The following IL1RAPL1 variants were observed in gnomAD, a reference collection of about 807,000 sequenced individuals.
IL1RAPL1 encodes the protein interleukin 1 receptor accessory protein like 1, also known as interleukin-1 receptor accessory protein-like 1.
In IL1RAPL1, 3 loss-of-function variants were observed where a neutral mutation model predicts 48.4. The ratio of observed to expected loss-of-function variants is 0.06; its 90% CI spans 0.03 to 0.16. The LOEUF (loss-of-function observed/expected upper bound fraction) is 0.16, where lower values mean the gene tolerates loss of function less well. Among genes scored for constraint, IL1RAPL1 ranks in the 10% least tolerant of loss-of-function variants. The pLI, the probability that IL1RAPL1 is intolerant of heterozygous loss-of-function variation, is 1.00. For synonymous variants in IL1RAPL1, 185 were observed against 187.7 expected (o/e 0.99, Z 0.12); for missense variants, 349 against 530.6 (o/e 0.66, Z 3.36).
intron 1 of IL1RAPL1, among the ~76,000 whole-genome samples, chrX:28,761,460 G>T (rs762230264): frequency 1.8e-5 from 2 of 111,844 alleles, no homozygotes; most frequent in South Asian, 7.5e-4. Context: ...TGCAGCTAGA[G>T]GCCATCATCC....
chrX:29,936,554 CACACAG>C (rs1933038088), intron 8 of IL1RAPL1, among the ~76,000 whole-genome samples: 1 of 107,925 alleles, frequency 9.3e-6, no homozygotes, highest in Non-Finnish European at 1.9e-5. Context: ...CACACACACA[CACACAG>C]ATCAAATAGA....
At chrX:29,623,640 C>A (rs1385943256) in intron 5 of IL1RAPL1, among the ~76,000 whole-genome samples, 1 of 112,106 alleles carries the variant, frequency 8.9e-6, no homozygotes, top group East Asian at 2.8e-4. Context: ...ATTTCAAACT[C>A]ATTAATATAG....
At chrX:28,765,148 T>C (rs1278026109) in intron 1 of IL1RAPL1, among the ~76,000 whole-genome samples, 2 of 78,168 alleles carry the variant, frequency 2.6e-5, no homozygotes, top group African/African-American at 1.0e-4. Context: ...CACTGGGGCC[T>C]GTTGTGGGGT....
intron 2 of IL1RAPL1, among the ~76,000 whole-genome samples, chrX:28,830,005 T>A (rs1295353471): frequency 8.9e-6 from 1 of 111,801 alleles, no homozygotes; most frequent in African/African-American, 3.3e-5. Context: ...TTGGTCATAA[T>A]ATATGCTTTT....
chrX:28,852,585 A>G (rs909984395), intron 2 of IL1RAPL1, among the ~76,000 whole-genome samples: 7 of 111,691 alleles, frequency 6.3e-5, no homozygotes, highest in Non-Finnish European at 1.1e-4. Context: ...TTTTCTTGGT[A>G]CTGCTTTTTC....
intron 6 of IL1RAPL1, among the ~76,000 whole-genome samples, chrX:29,847,772 T>G (rs1046009812): frequency 1.8e-5 from 2 of 112,088 alleles, no homozygotes; most frequent in African/African-American, 3.2e-5. Context: ...TTTGACATAA[T>G]GAAGGTTTTT....
intron 2 of IL1RAPL1, among the ~76,000 whole-genome samples, chrX:29,228,178 G>GCACACACACACACACACA: frequency 1.2e-5 from 1 of 84,388 alleles, no homozygotes; most frequent in Non-Finnish European, 2.2e-5. Context: ...ACACACGCGT[G>GCACACACACACACACACA]CACACACACA....
intron 5 of IL1RAPL1, among the ~76,000 whole-genome samples, chrX:29,528,286 A>G (rs184591645): frequency 1.3e-4 from 15 of 112,697 alleles, no homozygotes; most frequent in Admixed American, 7.5e-4. Context: ...TGGATAAACT[A>G]TAGTACATAT....
chrX:29,885,662 T>TA (rs745730940), intron 6 of IL1RAPL1, among the ~76,000 whole-genome samples: 79 of 109,425 alleles, frequency 7.2e-4, no homozygotes, highest in African/African-American at 2.5e-3. Context: ...AATGAAAAAA[T>TA]AAAAAAATCA....
intron 2 of IL1RAPL1, among the ~76,000 whole-genome samples, chrX:29,258,211 T>TA (rs892913154): frequency 1.2e-4 from 13 of 109,877 alleles, no homozygotes; most frequent in African/African-American, 3.3e-4. Context: ...GTTGTCGCTT[T>TA]AAAAAAAAAT....
intron 2 of IL1RAPL1, among the ~76,000 whole-genome samples, chrX:28,827,181 A>C (rs1384689489): frequency 9.0e-6 from 1 of 111,396 alleles, no homozygotes; most frequent in East Asian, 2.8e-4. Context: ...CATATAAAGC[A>C]TAAATATTTT....
At chrX:29,617,402 C>T (rs1924320909) in intron 5 of IL1RAPL1, among the ~76,000 whole-genome samples, 1 of 111,980 alleles carries the variant, frequency 8.9e-6, no homozygotes, top group South Asian at 3.7e-4. Context: ...AACTTCAGTG[C>T]AATATGAGAA....
Position 29,207,874 on chromosome X carries a change from T to C in IL1RAPL1, c.83-75064T>C, listed in dbSNP as rs192583960. 1.2e-4 allele frequency among the ~76,000 whole-genome samples: 13 copies of C among 112,240 alleles called. No homozygotes were observed. The East Asian group carries it at 2.2e-3, about 19-fold the overall frequency. On this transcript the variant is annotated intron_variant, in intron 2 of 10. Transcript: ENST00000378993. ...TGTCAACACGTGAGCAGTATAATTC[T>C]AATAAGCAGTTAAAATAGCTTAAGA...
At chrX:29,400,039 T>G (rs944804853) in intron 5 of IL1RAPL1, among the ~76,000 whole-genome samples, 1 of 111,523 alleles carries the variant, frequency 9.0e-6, no homozygotes, top group Non-Finnish European at 1.9e-5. Context: ...ACTCTATCAA[T>G]CTGACATACA....
At chrX:29,306,554 C>T (rs1182486288) in intron 3 of IL1RAPL1, among the ~76,000 whole-genome samples, 2 of 55,695 alleles carry the variant, frequency 3.6e-5, no homozygotes, top group Admixed American at 2.2e-4. Flanking sequence ...AAAAAAAAAA[C>T]GAAAAAACCA....
At chrX:29,078,441 G>C (rs1052852572) in intron 2 of IL1RAPL1, among the ~76,000 whole-genome samples, 3 of 112,397 alleles carry the variant, frequency 2.7e-5, no homozygotes, top group Non-Finnish European at 5.6e-5. Flanking sequence ...CTTGCAAATA[G>C]AATTGTAATC....
intron 1 of IL1RAPL1, among the ~76,000 whole-genome samples, chrX:28,662,840 C>G (rs1032374165): frequency 9.9e-5 from 11 of 111,549 alleles, no homozygotes; most frequent in Admixed American, 8.6e-4. Context: ...GAATCACATT[C>G]ATGCCATACA....
chrX:29,454,424 A>G (rs1350324611), intron 5 of IL1RAPL1, among the ~76,000 whole-genome samples: 1 of 111,770 alleles, frequency 8.9e-6, no homozygotes, highest in African/African-American at 3.3e-5. Flanking sequence ...GAATTGGCCA[A>G]TCCCTGGTGG....
intron 2 of IL1RAPL1, among the ~76,000 whole-genome samples, chrX:29,113,214 A>G (rs1928610675): frequency 1.8e-5 from 2 of 112,165 alleles, no homozygotes; most frequent in South Asian, 7.4e-4. Flanking sequence ...AAATGAAAAG[A>G]TTGCTGGGAA....
Sources: gnomAD v4.1 joint callset for allele counts (sites outside exome capture counted in the v4.1 genomes callset) on GRCh38, gnomAD v4.1.1 for gene constraint, MANE v1.5 for transcripts, NCBI Gene and HGNC (gene_info 2026-07-23, HGNC 2026-07-21) for gene names.